Variants in SYT1 observed in about 807,000 individuals in gnomAD.
The protein encoded by SYT1 is synaptotagmin-1.
A neutral mutation model predicts 44.8 loss-of-function variants in SYT1; 8 were observed. That is an observed-to-expected ratio of 0.18 (90% CI 0.10 to 0.32). SYT1 has a LOEUF of 0.32. SYT1 is among the 10% of genes least tolerant of loss of function. The probability of loss-of-function intolerance (pLI) is 1.00; values close to 1 mark genes in which losing one functional copy is unlikely to be tolerated. For missense variants in SYT1, 286 were observed against 509.3 expected, an observed-to-expected ratio of 0.56 and a Z score of 4.22; for synonymous variants, 154 against 188.8, an observed-to-expected ratio of 0.82 and a Z score of 1.51.
intron 4 of SYT1, among the ~76,000 whole-genome samples, chr12:79,255,159 A>G (rs1877443833): frequency 1.3e-5 from 2 of 152,214 alleles, no homozygotes; most frequent in Non-Finnish European, 2.9e-5. Flanking sequence ...TGGTTGATGC[A>G]GCAAACTTCA....
chr12:79,382,436 T>C (rs1350711057), intron 9 of SYT1, among the ~76,000 whole-genome samples: 1 of 152,084 alleles, frequency 6.6e-6, no homozygotes, highest in African/African-American at 2.4e-5. Context: ...TGCACTCTTC[T>C]CCCTTCTCCC....
At chr12:79,129,855 T>C (rs1868692657) in intron 3 of SYT1, among the ~76,000 whole-genome samples, 1 of 152,152 alleles carries the variant, frequency 6.6e-6, no homozygotes, top group Non-Finnish European at 1.5e-5. Flanking sequence ...AGTGCTTCCA[T>C]GGAATGTAAA....
intron 2 of SYT1, among the ~76,000 whole-genome samples, chr12:78,981,125 G>GTTTTTTTTTTT (rs1171068435): frequency 2.4e-5 from 3 of 122,692 alleles, no homozygotes; most frequent in Non-Finnish European, 3.4e-5. Flanking sequence ...TTGTTTCTTT[G>GTTTTTTTTTTT]TTTTTTTTTT....
chr12:79,229,826 C>T (rs1437016879), intron 4 of SYT1, among the ~76,000 whole-genome samples: 1 of 152,024 alleles, frequency 6.6e-6, no homozygotes, highest in East Asian at 1.9e-4. Flanking sequence ...AACTCCTGAC[C>T]TCGGGTGATC....
intron 3 of SYT1, among the ~76,000 whole-genome samples, chr12:79,120,672 A>G (rs1879545098): frequency 6.6e-6 from 1 of 152,146 alleles, no homozygotes; most frequent in South Asian, 2.1e-4. Context: ...AAAGAAATCT[A>G]TATGAAAATG....
At chr12:79,432,718 A>G (rs527395405) in intron 9 of SYT1, among the ~76,000 whole-genome samples, 1 of 152,120 alleles carries the variant, frequency 6.6e-6, no homozygotes, top group Middle Eastern at 3.2e-3. Flanking sequence ...GGTTCAAGCA[A>G]TTCTCCTGGG....
chr12:79,343,805 A>C, intron 8 of SYT1, among the ~76,000 whole-genome samples: 1 of 152,222 alleles, frequency 6.6e-6, no homozygotes. Flanking sequence ...AAGTAAATAT[A>C]AATAGAAGGT....
At chr12:79,377,105 T>TTTTGTTTTTTG (rs150386499) in intron 9 of SYT1, among the ~76,000 whole-genome samples, 1 of 151,840 alleles carries the variant, frequency 6.6e-6, no homozygotes, top group Non-Finnish European at 1.5e-5. Flanking sequence ...ACATTTTTTG[T>TTTTGTTTTTTG]TTTTTTGTTT....
chr12:78,940,222 T>C (rs920021272), intron 1 of SYT1, among the ~76,000 whole-genome samples: 10 of 152,198 alleles, frequency 6.6e-5, no homozygotes, highest in Admixed American at 3.9e-4. Flanking sequence ...TTTATTATTC[T>C]GTTCTCATGG....
At chr12:79,419,354 C>A in intron 9 of SYT1, 1 of 475,876 alleles carries the variant, frequency 2.1e-6, no homozygotes, top group Non-Finnish European at 4.5e-6. Flanking sequence ...TTTTCTTCTC[C>A]TTCCACTGCA....
chr12:79,275,577 C>T (rs1878671321), intron 4 of SYT1, among the ~76,000 whole-genome samples: 1 of 152,130 alleles, frequency 6.6e-6, no homozygotes, highest in South Asian at 2.1e-4. Flanking sequence ...AGGTAGGTCA[C>T]TTTTGTGCTG....
At position 79,449,237 on chromosome 12, in the gene SYT1, A is replaced by C. The variant is rs921886861; in HGVS notation, c.*113A>C. 2.7e-6 allele frequency: 3 copies of C among 1,098,706 alleles called. No individual in the cohort carries two copies. The highest frequency in any genetic ancestry group is 3.2e-5 in the African/African-American group (2 of 63,114). 68.1% of individuals were successfully genotyped at this position (1,098,706 alleles called of 1,614,324 possible). ...TTTCCAGCCATGCATTCCTAACACA[A>C]TTCAGTGGTACTTGGAATCCTGTTT... On this transcript the variant is annotated 3_prime_UTR_variant, in exon 11 of 11. Transcript: ENST00000261205.
intron 3 of SYT1, among the ~76,000 whole-genome samples, chr12:79,179,673 G>T (rs866741433): frequency 6.6e-6 from 1 of 151,368 alleles, no homozygotes; most frequent in African/African-American, 2.4e-5. Context: ...GCCCACTTCC[G>T]CCTCCCAAAG....
intron 3 of SYT1, among the ~76,000 whole-genome samples, chr12:79,072,148 G>A (rs1204044478): frequency 6.6e-6 from 1 of 151,752 alleles, no homozygotes; most frequent in Non-Finnish European, 1.5e-5. Flanking sequence ...AATATAAAAA[G>A]GATTATCTTC....
chr12:79,229,013 G>A (rs1313814099), intron 4 of SYT1, among the ~76,000 whole-genome samples: 3 of 152,112 alleles, frequency 2.0e-5, no homozygotes, highest in Admixed American at 2.0e-4. Flanking sequence ...GGTTACCTGG[G>A]GTTTTCTGCC....
chr12:79,391,213 G>T (rs1884645086), intron 9 of SYT1, among the ~76,000 whole-genome samples: 1 of 152,126 alleles, frequency 6.6e-6, no homozygotes, highest in South Asian at 2.1e-4. Context: ...TAAAAATGCT[G>T]GTGCCCAGGC....
chr12:78,980,135 A>G (rs1302818295), intron 2 of SYT1, among the ~76,000 whole-genome samples: 14 of 152,274 alleles, frequency 9.2e-5, no homozygotes, highest in Non-Finnish European at 4.4e-5. Context: ...ATGTTTGCCA[A>G]TTTAATATAC....
intron 9 of SYT1, among the ~76,000 whole-genome samples, chr12:79,430,533 C>G (rs1869715370): frequency 6.6e-6 from 1 of 152,186 alleles, no homozygotes; most frequent in Non-Finnish European, 1.5e-5. Flanking sequence ...TGCCTGTAAT[C>G]CCAGGACTTT....
chr12:79,144,166 A>G (rs1412703655), intron 3 of SYT1, among the ~76,000 whole-genome samples: 2 of 152,200 alleles, frequency 1.3e-5, no homozygotes, highest in South Asian at 2.1e-4. Context: ...CTCTATCAAT[A>G]AAGTGTGCCA....
Sources: gnomAD v4.1 joint callset for allele counts (sites outside exome capture counted in the v4.1 genomes callset) on GRCh38, gnomAD v4.1.1 for gene constraint, MANE v1.5 for transcripts, NCBI Gene and HGNC (gene_info 2026-07-23, HGNC 2026-07-21) for gene names.